NEO1: variants seen among roughly 807,000 people sequenced by gnomAD.
NEO1 encodes the protein neogenin 1, also known as neogenin.
In NEO1, 63 loss-of-function variants were observed where a neutral mutation model predicts 159.7. That is an observed-to-expected ratio of 0.39 (90% CI 0.32 to 0.49). The LOEUF (loss-of-function observed/expected upper bound fraction) is 0.49, where lower values mean the gene tolerates loss of function less well. Ranked by LOEUF, NEO1 falls within the 20% of genes least tolerant of loss-of-function variation. The probability of loss-of-function intolerance (pLI) is 0.85; values close to 1 mark genes in which losing one functional copy is unlikely to be tolerated. For missense variants in NEO1, 1,615 were observed against 1,831.0 expected (o/e 0.88, Z 2.15); for synonymous variants, 633 against 662.0 (o/e 0.96, Z 0.67).
At chr15:73,287,494 A>G (rs1484011166) in intron 23 of NEO1, among the ~76,000 whole-genome samples, 1 of 152,210 alleles carries the variant, frequency 6.6e-6, no homozygotes, top group Non-Finnish European at 1.5e-5. Context: ...GGGGTAAGTA[A>G]GAGAGTGAAT....
chr15:73,235,796 A>T (rs1352711858), intron 7 of NEO1, among the ~76,000 whole-genome samples: 4 of 152,364 alleles, frequency 2.6e-5, no homozygotes, highest in Admixed American at 6.5e-5. Flanking sequence ...TTCTCCTGCA[A>T]AGGAGCTCTG....
chr15:73,055,965 G>A (rs1595878989), intron 1 of NEO1, among the ~76,000 whole-genome samples: 1 of 152,134 alleles, frequency 6.6e-6, no homozygotes. Context: ...AACAGTAGTG[G>A]CTCCATAATT....
At chr15:73,254,050 A>G (rs886731586) in intron 12 of NEO1, among the ~76,000 whole-genome samples, 5 of 152,148 alleles carry the variant, frequency 3.3e-5, no homozygotes, top group African/African-American at 1.2e-4. Flanking sequence ...AGAGAGCCAA[A>G]TGCAGTGGCT....
At chr15:73,203,349 A>G (rs760991555) in intron 7 of NEO1, among the ~76,000 whole-genome samples, 24 of 152,232 alleles carry the variant, frequency 1.6e-4, no homozygotes, top group Non-Finnish European at 2.6e-4. Context: ...TTTACTCTGA[A>G]TCTTTATATT....
chr15:73,070,320 G>A (rs980237739), intron 1 of NEO1, among the ~76,000 whole-genome samples: 2 of 152,144 alleles, frequency 1.3e-5, no homozygotes, highest in African/African-American at 4.8e-5. Flanking sequence ...ACTTGTTCAG[G>A]TGTTAGAACA....
intron 26 of NEO1, among the ~76,000 whole-genome samples, chr15:73,296,352 C>T (rs2042368977): frequency 6.6e-6 from 1 of 152,148 alleles, no homozygotes; most frequent in Non-Finnish European, 1.5e-5. Flanking sequence ...GGGGGACCAC[C>T]AGCTCCCCCG....
At chr15:73,187,152 T>A (rs2035978874) in intron 7 of NEO1, among the ~76,000 whole-genome samples, 1 of 152,212 alleles carries the variant, frequency 6.6e-6, no homozygotes, top group Non-Finnish European at 1.5e-5. Flanking sequence ...ACAAGACTCA[T>A]GAAGATAACA....
At chr15:73,109,969 C>T (rs1369927539) in intron 1 of NEO1, among the ~76,000 whole-genome samples, 1 of 152,140 alleles carries the variant, frequency 6.6e-6, no homozygotes, top group Non-Finnish European at 1.5e-5. Context: ...CTAACTGTTA[C>T]GTAGCAAAGC....
intron 4 of NEO1, among the ~76,000 whole-genome samples, chr15:73,129,299 G>A (rs1057403506): frequency 6.6e-6 from 1 of 152,052 alleles, no homozygotes; most frequent in African/African-American, 2.4e-5. Flanking sequence ...TATGTAGATA[G>A]GCCTCAGCTA....
intron 7 of NEO1, among the ~76,000 whole-genome samples, chr15:73,211,190 A>G (rs1186216527): frequency 6.6e-6 from 1 of 152,238 alleles, no homozygotes; most frequent in Non-Finnish European, 1.5e-5. Flanking sequence ...TGCTGTAAAC[A>G]GCTAGAAAAT....
intron 23 of NEO1, among the ~76,000 whole-genome samples, chr15:73,285,513 C>T (rs1324666941): frequency 1.3e-5 from 2 of 152,152 alleles, no homozygotes; most frequent in Non-Finnish European, 2.9e-5. Flanking sequence ...ATGGGGTTTT[C>T]CCCTCCCCCA....
chr15:73,282,887 T>C, intron 22 of NEO1, 77 bp from the exon 23 acceptor site: 1 of 1,515,706 alleles, frequency 6.6e-7, no homozygotes, highest in Non-Finnish European at 8.9e-7. Context: ...CGTGAGATAT[T>C]AATGGTTCTG....
intron 13 of NEO1, 120 bp from the exon 14 acceptor site, chr15:73,258,646 A>C (rs1223512798): frequency 2.7e-6 from 2 of 749,114 alleles, no homozygotes; most frequent in East Asian, 2.7e-5. Flanking sequence ...ACTTAAACTG[A>C]AACTTTGCCA....
intron 7 of NEO1, among the ~76,000 whole-genome samples, chr15:73,210,938 A>G (rs116201149): frequency 7.2e-4 from 109 of 152,336 alleles, no homozygotes; most frequent in African/African-American, 2.6e-3. Context: ...TAGTCATTGA[A>G]GAAGCATTTA....
chr15:73,183,756 GA>G (rs200673722), intron 7 of NEO1, among the ~76,000 whole-genome samples: 5,299 of 150,388 alleles, frequency 0.035, 110 homozygotes, highest in African/African-American at 0.046. Flanking sequence ...CAGAGGAAAG[GA>G]AAAAAAAAGA....
intron 7 of NEO1, among the ~76,000 whole-genome samples, chr15:73,197,312 T>C (rs1159498679): frequency 1.3e-5 from 2 of 152,040 alleles, no homozygotes; most frequent in Non-Finnish European, 2.9e-5. Context: ...TGAGCTGAGA[T>C]TGTGCCACTG....
At chr15:73,215,813 G>T (rs956100057) in intron 7 of NEO1, among the ~76,000 whole-genome samples, 1 of 151,954 alleles carries the variant, frequency 6.6e-6, no homozygotes, top group Non-Finnish European at 1.5e-5. Context: ...AATTAGGGAG[G>T]GTTCCCTTTT....
intron 1 of NEO1, among the ~76,000 whole-genome samples, chr15:73,106,941 G>A (rs772040477): frequency 2.0e-5 from 3 of 152,284 alleles, no homozygotes; most frequent in Non-Finnish European, 4.4e-5. Context: ...GTTAGGACTA[G>A]ATATTGGATC....
intron 7 of NEO1, among the ~76,000 whole-genome samples, chr15:73,185,199 G>C (rs76641226): frequency 0.013 from 1,951 of 152,260 alleles, 26 homozygotes; most frequent in East Asian, 0.047. Context: ...TGATACTATA[G>C]GGGAGGATAC....
Sources: allele counts gnomAD v4.1 joint callset (sites outside exome capture counted in the v4.1 genomes callset), GRCh38; gene constraint gnomAD v4.1.1; transcripts MANE v1.5; gene names NCBI Gene and HGNC (gene_info 2026-07-23, HGNC 2026-07-21).